The following SPHKAP variants were observed in gnomAD, a reference collection of about 807,000 sequenced individuals.
SPHKAP encodes the protein A-kinase anchor protein SPHKAP.
A neutral mutation model predicts 137.5 loss-of-function variants in SPHKAP; 67 were observed. The observed-to-expected ratio is 0.49, with a 90% CI of 0.40 to 0.60. The LOEUF (loss-of-function observed/expected upper bound fraction) is 0.60, where lower values mean the gene tolerates loss of function less well. Ranked by LOEUF, SPHKAP falls within the 20% of genes least tolerant of loss-of-function variation. The pLI is 0.00. For synonymous variants in SPHKAP, 813 were observed against 785.3 expected (o/e 1.04, Z -0.59); for missense variants, 2,097 against 2,069.3 (o/e 1.01, Z -0.26).
chr2:228,043,436 C>T (rs751136544), intron 3 of SPHKAP, among the ~76,000 whole-genome samples: 2 of 152,200 alleles, frequency 1.3e-5, no homozygotes, highest in Non-Finnish European at 2.9e-5. Context: ...AAGCAATTCT[C>T]ATGCCTCAGC....
At chr2:228,011,088 T>C (rs1309478954) in intron 7 of SPHKAP, among the ~76,000 whole-genome samples, 1 of 152,234 alleles carries the variant, frequency 6.6e-6, no homozygotes, top group African/African-American at 2.4e-5. Context: ...TGCTTTAAGG[T>C]AACTTACCAG....
intron 1 of SPHKAP, among the ~76,000 whole-genome samples, chr2:228,163,316 G>A (rs1487300083): frequency 2.0e-5 from 3 of 152,090 alleles, no homozygotes; most frequent in Non-Finnish European, 2.9e-5. Context: ...AGAGATGAGA[G>A]AGAGAAAACG....
Position 228,000,434 on chromosome 2 carries a change from T to C in SPHKAP, c.4449-4740A>G, listed in dbSNP as rs181794728. On this transcript the variant is annotated intron_variant, in intron 7 of 11. Transcript: ENST00000392056. ...GAGATGGAGACCATCGTGGCTAACA[T>C]GGTGAAACCCCATCTCTACTAAATA... Among the ~76,000 whole-genome samples the C allele has an allele frequency of 4.2e-3, 644 of 152,126 alleles. 3 individuals carry two copies. Among genetic ancestry groups the C allele is most frequent in the African/African-American group, 0.013 (560 of 41,532 alleles).
intron 6 of SPHKAP, among the ~76,000 whole-genome samples, chr2:228,020,543 G>A (rs1360536507): frequency 6.6e-6 from 1 of 152,070 alleles, no homozygotes; most frequent in Non-Finnish European, 1.5e-5. Flanking sequence ...GCAGGGTGGG[G>A]AACATCACAC....
At chr2:227,999,597 G>T (rs1434668493) in intron 7 of SPHKAP, among the ~76,000 whole-genome samples, 1 of 152,152 alleles carries the variant, frequency 6.6e-6, no homozygotes, top group Non-Finnish European at 1.5e-5. Context: ...AAATCTCAGT[G>T]ATTGACATCC....
At chr2:228,010,274 C>T (rs184572986) in intron 7 of SPHKAP, among the ~76,000 whole-genome samples, 67 of 152,284 alleles carry the variant, frequency 4.4e-4, no homozygotes, top group African/African-American at 1.4e-3. Context: ...TGCTTATAAT[C>T]GCAGCATTTT....
At position 228,181,087 on chromosome 2, in the gene SPHKAP, G is replaced by A. The variant is rs1003622572; in HGVS notation, c.32+480C>T. On this transcript the variant is annotated intron_variant, in intron 1 of 11. Transcript: ENST00000392056. This position sits in a 1 kb window ranked among gnomAD's most constrained non-coding sequence, Gnocchi z 4.3. ...GGGGCAGTCTAGGTGTCGGTCGGGG[G>A]TGAGGGACAATCTTCCCCACCCCAG... Among the ~76,000 whole-genome samples the A allele has an allele frequency of 6.6e-6, 1 of 152,100 alleles. No individual in the cohort carries two copies. The highest frequency in any genetic ancestry group is 2.4e-5 in the African/African-American group (1 of 41,442).
At chr2:227,998,497 C>T (rs1693720652) in intron 7 of SPHKAP, among the ~76,000 whole-genome samples, 1 of 152,032 alleles carries the variant, frequency 6.6e-6, no homozygotes, top group African/African-American at 2.4e-5. Flanking sequence ...GCATATTTTG[C>T]TATTGACAGT....
intron 1 of SPHKAP, among the ~76,000 whole-genome samples, chr2:228,160,797 C>A (rs998258373): frequency 1.3e-5 from 2 of 152,188 alleles, no homozygotes; most frequent in African/African-American, 4.8e-5. Flanking sequence ...ATTTTCAGTG[C>A]TCTGAACTCA....
intron 7 of SPHKAP, among the ~76,000 whole-genome samples, chr2:228,000,869 G>A (rs1693829393): frequency 6.6e-6 from 1 of 152,052 alleles, no homozygotes; most frequent in East Asian, 1.9e-4. Flanking sequence ...GTTTTTATAT[G>A]GGCATAAGTT....
intron 3 of SPHKAP, among the ~76,000 whole-genome samples, chr2:228,075,991 G>C (rs745676287): frequency 1.3e-5 from 2 of 152,174 alleles, no homozygotes; most frequent in African/African-American, 4.8e-5. Flanking sequence ...GGAACACAGT[G>C]GGAGGTGATT....
intron 3 of SPHKAP, among the ~76,000 whole-genome samples, chr2:228,070,826 G>A (rs112950407): frequency 7.2e-5 from 11 of 151,926 alleles, no homozygotes; most frequent in Non-Finnish European, 1.2e-4. Flanking sequence ...ATCGCATACC[G>A]TGTGTAATGA....
rs757100201 is a variant in SPHKAP, at chr2:228,019,245, G to T, written c.1609C>A (p.Gln537Lys). Residue 537 changes from glutamine (Q) to lysine (K), a missense_variant, in exon 7 of 12, where the codon CAA becomes AAA. Physicochemically the swap from Gln to Lys is moderately conservative, Grantham distance 53. Coordinates refer to ENST00000392056, the MANE Select transcript of SPHKAP (RefSeq NM_001142644.2). ...TTGAGTCCTTGGGGTGCTTGAGTTT[G>T]CAGTGCACCACTGCTCCCTGGGGGA... is the stretch of plus-strand genomic sequence containing the variant. Reference protein sequence around the residue: ...NFPPGSSGALQTQAPQGLKEP... With the variant: ...NFPPGSSGALKTQAPQGLKEP... The T allele has an allele frequency of 1.2e-6, 2 of 1,613,942 alleles. No individual in the cohort carries two copies. Among genetic ancestry groups the T allele is most frequent in the East Asian group, 2.2e-5 (1 of 44,880 alleles).
At position 228,154,715 on chromosome 2, in the gene SPHKAP, ATT is replaced by A. The variant is rs35636905; in HGVS notation, c.33-22632_33-22631del. The stretch of plus-strand genomic sequence containing the variant: ...AGGCGCCTGCCACCATGCCTGGCTA[ATT>A]TTTTTTTTTTTTTTTGTATTTTCAT... On this transcript the variant is annotated intron_variant, in intron 1 of 11. Coordinates refer to ENST00000392056, the MANE Select transcript of SPHKAP (RefSeq NM_001142644.2). Among the ~76,000 whole-genome samples, 989 of 115,118 alleles carry A rather than the reference ATT, an allele frequency of 8.6e-3. 10 individuals carry two copies. The highest frequency in any genetic ancestry group is 0.03 in the African/African-American group (908 of 30,244). The allele number at this position is 115,118 out of a possible 152,430, so 75.5% of individuals were successfully genotyped here.
rs528743200 is a variant in SPHKAP, at chr2:228,122,309, A to T, written c.138+9671T>A. Among the ~76,000 whole-genome samples the T allele has an allele frequency of 2.6e-5, 4 of 152,122 alleles. No individual in the cohort carries two copies. In the South Asian group the frequency reaches 8.3e-4, roughly 32 times the overall value. The stretch of plus-strand genomic sequence containing the variant: ...TTTTGATTTTTTTTTAAAAAGAAAA[A>T]AGTAACAGCCTGCAGGTTCCTTCCA... On this transcript the variant is annotated intron_variant, in intron 2 of 11. Coordinates refer to ENST00000392056, the MANE Select transcript of SPHKAP (RefSeq NM_001142644.2).
intron 3 of SPHKAP, among the ~76,000 whole-genome samples, chr2:228,057,202 C>A (rs1696479174): frequency 1.3e-5 from 2 of 152,144 alleles, no homozygotes; most frequent in African/African-American, 4.8e-5. Context: ...TACTATAAAT[C>A]ATACTTTAGC....
intron 5 of SPHKAP, among the ~76,000 whole-genome samples, chr2:228,022,688 C>T (rs1694886553): frequency 6.6e-6 from 1 of 152,128 alleles, no homozygotes; most frequent in African/African-American, 2.4e-5. Flanking sequence ...AGATTAAATG[C>T]TCTAAGAAAA....
At chr2:228,120,938 GATTA>G (rs1327027209) in intron 2 of SPHKAP, among the ~76,000 whole-genome samples, 1 of 152,190 alleles carries the variant, frequency 6.6e-6, no homozygotes, top group East Asian at 1.9e-4. Flanking sequence ...GAGGACAGCT[GATTA>G]ATTGTTATTT....
chr2:228,051,503 G>C (rs1174443342), intron 3 of SPHKAP, among the ~76,000 whole-genome samples: 1 of 152,074 alleles, frequency 6.6e-6, no homozygotes, highest in Non-Finnish European at 1.5e-5. Context: ...AACGTGCTCT[G>C]AGGCTAGACC....
Sources: gnomAD v4.1 joint callset for allele counts (sites outside exome capture counted in the v4.1 genomes callset) on GRCh38, gnomAD v4.1.1 for gene constraint, Gnocchi (gnomAD v3.1) non-coding constraint, MANE v1.5 for transcripts, NCBI Gene and HGNC (gene_info 2026-07-23, HGNC 2026-07-21) for gene names.